The following RAD51B variants were observed in gnomAD, a reference collection of about 807,000 sequenced individuals.
RAD51B encodes the protein RAD51 paralog B.
In RAD51B, 38 loss-of-function variants were observed where a neutral mutation model predicts 42.2. The ratio of observed to expected loss-of-function variants is 0.90; its 90% confidence interval spans 0.70 to 1.18. RAD51B has a LOEUF of 1.18. Among genes scored for constraint, RAD51B ranks in the 50% most tolerant of loss-of-function variants. The probability of loss-of-function intolerance (pLI) is 0.00; values close to 1 mark genes in which losing one functional copy is unlikely to be tolerated. For synonymous variants in RAD51B, 154 were observed against 145.2 expected, an observed-to-expected ratio of 1.06 and a Z score of -0.43; for missense variants, 373 against 400.7, an observed-to-expected ratio of 0.93 and a Z score of 0.59.
intron 10 of RAD51B, chr14:68,472,048 T>C (rs2086140938): frequency 6.6e-6 from 1 of 152,290 alleles, no homozygotes; most frequent in African/African-American, 2.4e-5. Context: ...CAGTGCCCAC[T>C]AAGTGAAAAA....
intron 10 of RAD51B, among the ~76,000 whole-genome samples, chr14:68,514,128 G>A (rs922654512): frequency 2.0e-5 from 3 of 152,188 alleles, no homozygotes; most frequent in African/African-American, 7.2e-5. Flanking sequence ...GTCATTCAAC[G>A]TCTCTGAGCC....
At chr14:68,233,116 A>G (rs2080179329) in intron 7 of RAD51B, among the ~76,000 whole-genome samples, 1 of 152,094 alleles carries the variant, frequency 6.6e-6, no homozygotes, top group Admixed American at 6.5e-5. Context: ...TTCATTTCTT[A>G]ATGTAATGTT....
At chr14:68,400,890 A>G (rs930907762) in intron 8 of RAD51B, among the ~76,000 whole-genome samples, 17 of 152,098 alleles carry the variant, frequency 1.1e-4, no homozygotes, top group African/African-American at 3.9e-4. Flanking sequence ...ACAAGTCACC[A>G]TTCAGGATTT....
At chr14:67,896,757 C>T (rs541632459) in intron 7 of RAD51B, among the ~76,000 whole-genome samples, 4 of 152,164 alleles carry the variant, frequency 2.6e-5, no homozygotes, top group East Asian at 3.9e-4. Context: ...ATATCCTTTG[C>T]GTTTCTTGAA....
intron 8 of RAD51B, among the ~76,000 whole-genome samples, chr14:68,408,654 A>G (rs1436637717): frequency 1.3e-5 from 2 of 152,242 alleles, no homozygotes; most frequent in African/African-American, 4.8e-5. Context: ...TCAGGAAATT[A>G]TACTTAAAAA....
chr14:67,873,866 C>G (rs1303928301), intron 5 of RAD51B, among the ~76,000 whole-genome samples: 1 of 145,464 alleles, frequency 6.9e-6, no homozygotes, highest in African/African-American at 2.5e-5. Flanking sequence ...CATATTCTCA[C>G]TCATAGGTGG....
chr14:68,192,995 A>G (rs1197135830), intron 7 of RAD51B, among the ~76,000 whole-genome samples: 1 of 152,186 alleles, frequency 6.6e-6, no homozygotes, highest in Non-Finnish European at 1.5e-5. Context: ...TTTCTTTGAG[A>G]CACTCAAAAT....
At chr14:68,292,002 G>A in intron 8 of RAD51B, 22 bp downstream of exon 8, 1 of 1,585,172 alleles carries the variant, frequency 6.3e-7, no homozygotes, top group Non-Finnish European at 8.7e-7. Context: ...GTCCTGGAGA[G>A]GCTGAAACTT....
At chr14:68,497,274 G>A in intron 10 of RAD51B, 1 of 1,316,880 alleles carries the variant, frequency 7.6e-7, no homozygotes, top group Non-Finnish European at 9.9e-7. Flanking sequence ...TTGCTACTGT[G>A]TAGACTCAGC....
intron 10 of RAD51B, among the ~76,000 whole-genome samples, chr14:68,539,498 CCAGCCCCA>C (rs1887836262): frequency 1.3e-5 from 2 of 152,212 alleles, no homozygotes; most frequent in African/African-American, 4.8e-5. Context: ...AGAGGGGTCC[CCAGCCCCA>C]CAGGCTGCCA....
chr14:68,252,212 T>G (rs2080648806), intron 7 of RAD51B, among the ~76,000 whole-genome samples: 2 of 152,202 alleles, frequency 1.3e-5, no homozygotes, highest in Non-Finnish European at 2.9e-5. Flanking sequence ...CTGTGGAAAT[T>G]TGAGCTTTAG....
At chr14:68,566,347 T>G (rs768115987) in intron 10 of RAD51B, among the ~76,000 whole-genome samples, 3 of 152,222 alleles carry the variant, frequency 2.0e-5, no homozygotes, top group Non-Finnish European at 2.9e-5. Flanking sequence ...AAGGTGAACC[T>G]GGTCTATTTC....
intron 9 of RAD51B, among the ~76,000 whole-genome samples, chr14:68,431,846 G>T (rs1424038087): frequency 6.6e-6 from 1 of 152,120 alleles, no homozygotes; most frequent in East Asian, 1.9e-4. Flanking sequence ...TGATGTTAGG[G>T]TGTCAATTTT....
In RAD51B at chr14:68,199,666, C is replaced by G. The variant is rs976038043; in HGVS notation, c.757-92218C>G. On this transcript the variant is annotated intron_variant, in intron 7 of 10. Coordinates refer to ENST00000471583, the MANE Select transcript of RAD51B (RefSeq NM_133510.4). The stretch of plus-strand genomic sequence containing the variant: ...CTCCTTCATCTCATTCCGTCCTCCC[C>G]CTTCAGTTCTTTGGTCCGAGACCCA... Among the ~76,000 whole-genome samples the G allele has an allele frequency of 4.6e-5, 7 of 152,206 alleles. No individual in the cohort carries two copies. The East Asian group carries it at 7.7e-4, about 17-fold the overall frequency.
intron 7 of RAD51B, among the ~76,000 whole-genome samples, chr14:68,080,594 T>C (rs1321826042): frequency 1.3e-5 from 2 of 152,222 alleles, no homozygotes; most frequent in Non-Finnish European, 2.9e-5. Flanking sequence ...AGCCTCACTT[T>C]GGTCTGCTCA....
At chr14:68,032,880 C>T (rs1361175829) in intron 7 of RAD51B, among the ~76,000 whole-genome samples, 4 of 146,914 alleles carry the variant, frequency 2.7e-5, no homozygotes, top group Middle Eastern at 3.3e-3. Flanking sequence ...TGATGAGTTT[C>T]TTTCAGTTTC....
At chr14:68,215,224 A>G (rs2079789004) in intron 7 of RAD51B, among the ~76,000 whole-genome samples, 1 of 152,214 alleles carries the variant, frequency 6.6e-6, no homozygotes, top group Non-Finnish European at 1.5e-5. Flanking sequence ...TCTCTTAGAC[A>G]CCAATGGCGT....
At chr14:68,286,959 CTTAGTGGAAATAAGTCATCTA>C (rs1406393452) in intron 7 of RAD51B, among the ~76,000 whole-genome samples, 13 of 152,270 alleles carry the variant, frequency 8.5e-5, no homozygotes, top group Admixed American at 6.5e-5. Flanking sequence ...TTTTTAAATA[CTTAGTGGAAATAAGTCATCTA>C]TTTTCATTAG....
intron 9 of RAD51B, among the ~76,000 whole-genome samples, chr14:68,413,738 C>T (rs934440035): frequency 6.6e-6 from 1 of 152,104 alleles, no homozygotes; most frequent in Non-Finnish European, 1.5e-5. Flanking sequence ...CCATAGAAGC[C>T]ATACGAAGCG....
Sources: allele counts gnomAD v4.1 joint callset (sites outside exome capture counted in the v4.1 genomes callset), GRCh38; gene constraint gnomAD v4.1.1; transcripts MANE v1.5; gene names NCBI Gene and HGNC (gene_info 2026-07-23, HGNC 2026-07-21).